The following STAG2 variants were observed in gnomAD, a reference collection of about 807,000 sequenced individuals.
STAG2 encodes STAG2 cohesin complex component, also known as cohesin subunit SA-2.
Under a neutral mutation model 108.1 loss-of-function variants are expected in STAG2, and 14 were observed. The observed-to-expected ratio is 0.13, with a 90% CI of 0.09 to 0.20. The LOEUF (loss-of-function observed/expected upper bound fraction) is 0.20, where lower values mean the gene tolerates loss of function less well. Among genes scored for constraint, STAG2 ranks in the 10% least tolerant of loss-of-function variants. The pLI is 1.00. For missense variants in STAG2, 440 were observed against 940.9 expected (o/e 0.47, Z 6.96); for synonymous variants, 307 against 302.7 (o/e 1.01, Z -0.15).
At chrX:124,017,236 G>A (rs950852763) in intron 1 of STAG2, among the ~76,000 whole-genome samples, 3 of 108,365 alleles carry the variant, frequency 2.8e-5, no homozygotes, top group South Asian at 4.1e-4. Context: ...TGGAGATGGA[G>A]TCTCACTCTG....
chrX:123,962,606 C>T (rs973913018), intron 1 of STAG2, among the ~76,000 whole-genome samples: 1 of 111,446 alleles, frequency 9.0e-6, no homozygotes, highest in Non-Finnish European at 1.9e-5. Flanking sequence ...CACCCCTCTT[C>T]CCTCTCCCTC....
rs761419100 is a variant in STAG2, at chrX:124,031,110, C to G, written c.273C>G (p.Gly91=). 5.0e-6 allele frequency: 6 copies of G among 1,206,360 alleles called. No individual in the cohort carries two copies. Among genetic ancestry groups the G allele is most frequent in the Non-Finnish European group, 6.7e-6 (6 of 893,502 alleles). Residue 91 remains glycine (G), a synonymous_variant, in exon 5 of 35, where the codon GGC becomes GGG. Coordinates refer to ENST00000371145, the MANE Select transcript of STAG2 (RefSeq NM_001042750.2). Reference sequence around the variant, plus strand: ...TGTTGTTTGAAGTTGTTAAAATGGGCAAGAGTGCTATGCAGGTAAGATTTA... The same window carrying G: ...TGTTGTTTGAAGTTGTTAAAATGGGGAAGAGTGCTATGCAGGTAAGATTTA... The part of the protein sequence containing the change: ...NMMLFEVVKM[G]KSAMQSVVDD...
chrX:124,015,546 A>G (rs1164040050), intron 1 of STAG2, among the ~76,000 whole-genome samples: 1 of 107,960 alleles, frequency 9.3e-6, no homozygotes, highest in Non-Finnish European at 1.9e-5. Flanking sequence ...CACCATGCCC[A>G]ACTGATTTTT....
chrX:123,992,607 C>T (rs952315873), intron 1 of STAG2, among the ~76,000 whole-genome samples: 1 of 109,917 alleles, frequency 9.1e-6, no homozygotes, highest in Admixed American at 9.8e-5. Context: ...GGCTCAATCT[C>T]GGCTCACTGA....
intron 1 of STAG2, among the ~76,000 whole-genome samples, chrX:123,966,196 C>T (rs774543877): frequency 9.1e-6 from 1 of 110,280 alleles, no homozygotes; most frequent in African/African-American, 3.3e-5. Context: ...GGCACCATGG[C>T]TCACGCCTGT....
intron 34 of STAG2, among the ~76,000 whole-genome samples, chrX:124,096,357 C>G (rs1286534442): frequency 9.0e-6 from 1 of 111,327 alleles, no homozygotes; most frequent in African/African-American, 3.3e-5. Flanking sequence ...TTTCCTGACT[C>G]CATAACTTTG....
rs374870291 is a variant in STAG2 at position 124,057,985 on chromosome X, G to C, written c.1416+8G>C. ...TTCTTTCTAGAAAGTGAGGTTAGTT[G>C]ATAGTATTTATTTTATACTTAGGTT... is the stretch of plus-strand genomic sequence containing the variant. On this transcript the variant is annotated splice_region_variant and intron_variant, in intron 15 of 34. Transcript: ENST00000371145. 46 of 1,133,034 alleles carry C rather than the reference G, an allele frequency of 4.1e-5. No homozygotes were observed. Among genetic ancestry groups the C allele is most frequent in the Non-Finnish European group, 5.1e-5 (43 of 844,327 alleles). The allele number at this position is 1,133,034 out of a possible 1,213,427, so 93.4% of individuals were successfully genotyped here.
chrX:124,058,265 CT>C (rs1416986937), intron 15 of STAG2, among the ~76,000 whole-genome samples: 6 of 104,250 alleles, frequency 5.8e-5, no homozygotes, highest in Non-Finnish European at 1.2e-4. Context: ...TCAAGCAGTT[CT>C]CCTGCCTCAG....
In STAG2 at chrX:124,081,360, C is replaced by CTT. The variant is rs2058958643; in HGVS notation, c.2776-18_2776-17dup. On this transcript the variant is annotated intron_variant, in intron 27 of 34. Coordinates refer to ENST00000371145, the MANE Select transcript of STAG2 (RefSeq NM_001042750.2). ...TCCAGGTATTAAGAACTTTAACATGCTTTCTTTCTTTCCAAACAGCTTTTT... is the reference window on the plus strand; with the variant it reads ...TCCAGGTATTAAGAACTTTAACATGCTTTTTCTTTCTTTCCAAACAGCTTTTT... 8 of 1,086,963 alleles carry CTT rather than the reference C, an allele frequency of 7.4e-6. No homozygotes were observed. The highest frequency in any genetic ancestry group is 9.8e-6 in the Non-Finnish European group (8 of 816,184). The allele number at this position is 1,086,963 out of a possible 1,213,427, so 89.6% of individuals were successfully genotyped here.
At chrX:124,079,014 T>G (rs184948957) in intron 27 of STAG2, among the ~76,000 whole-genome samples, 82 of 110,850 alleles carry the variant, frequency 7.4e-4, no homozygotes, top group Non-Finnish European at 2.1e-4. Flanking sequence ...TTGGCAGTGT[T>G]GAGGCATTTA....
intron 30 of STAG2, among the ~76,000 whole-genome samples, chrX:124,089,749 T>G (rs2148483547): frequency 8.9e-6 from 1 of 111,945 alleles, no homozygotes; most frequent in South Asian, 3.8e-4. Flanking sequence ...GATTCCTGCT[T>G]CTTTATCCAG....
At chrX:124,011,692 C>G (rs1183642345) in intron 1 of STAG2, among the ~76,000 whole-genome samples, 1 of 111,475 alleles carries the variant, frequency 9.0e-6, no homozygotes, top group Non-Finnish European at 1.9e-5. Context: ...CTAGTGGGAA[C>G]TCTGCACAGT....
chrX:124,026,905 TG>T (rs2057122710), intron 4 of STAG2, among the ~76,000 whole-genome samples: 1 of 111,567 alleles, frequency 9.0e-6, no homozygotes, highest in African/African-American at 3.3e-5. Flanking sequence ...TTTGTTTTTT[TG>T]GAGATGGGGT....
intron 26 of STAG2, 36 bp from the exon 27 acceptor site, chrX:124,077,921 G>A (rs762994319): frequency 4.2e-6 from 4 of 944,732 alleles, no homozygotes; most frequent in Non-Finnish European, 5.8e-6. Context: ...GTAGTTTTAA[G>A]AGATAAAGCT....
At chrX:123,992,713 A>AT (rs1370984972) in intron 1 of STAG2, among the ~76,000 whole-genome samples, 5 of 110,377 alleles carry the variant, frequency 4.5e-5, no homozygotes, top group African/African-American at 1.7e-4. Context: ...TAATTTTTGA[A>AT]TTTTTTTGTA....
intron 1 of STAG2, among the ~76,000 whole-genome samples, chrX:123,978,695 C>G (rs1444460212): frequency 9.0e-6 from 1 of 111,484 alleles, no homozygotes; most frequent in African/African-American, 3.3e-5. Context: ...CAAAATCTTC[C>G]AAAATCTGAA....
intron 1 of STAG2, among the ~76,000 whole-genome samples, chrX:123,985,092 T>C (rs760674679): frequency 1.2e-4 from 13 of 112,035 alleles, no homozygotes; most frequent in Admixed American, 3.8e-4. Flanking sequence ...TACTGTAGAA[T>C]ACAAGAAATT....
chrX:124,100,478 T>C (rs1456474810), intron 34 of STAG2, 96 bp from the exon 35 acceptor site: 1 of 752,691 alleles, frequency 1.3e-6, no homozygotes, highest in African/African-American at 2.2e-5. Flanking sequence ...TAGCATGTTA[T>C]TTAACATAAT....
intron 1 of STAG2, among the ~76,000 whole-genome samples, chrX:123,996,481 A>G (rs1437706998): frequency 8.9e-6 from 1 of 111,940 alleles, no homozygotes; most frequent in Non-Finnish European, 1.9e-5. Flanking sequence ...CATCACTACA[A>G]TTAAGATATA....
Sources: allele counts gnomAD v4.1 joint callset (sites outside exome capture counted in the v4.1 genomes callset), GRCh38; gene constraint gnomAD v4.1.1; transcripts MANE v1.5; gene names NCBI Gene and HGNC (gene_info 2026-07-23, HGNC 2026-07-21).